The following SEC24C variants were observed in gnomAD, a reference collection of about 807,000 sequenced individuals.
SEC24C encodes SEC24 homolog C, COPII component, also known as protein transport protein Sec24C.
Under a neutral mutation model 117.0 loss-of-function variants are expected in SEC24C, and 22 were observed. The ratio of observed to expected loss-of-function variants is 0.19; its 90% confidence interval spans 0.13 to 0.27. The LOEUF is 0.27. Among genes scored for constraint, SEC24C ranks in the 10% least tolerant of loss-of-function variants. The pLI, the probability that SEC24C is intolerant of heterozygous loss-of-function variation, is 1.00. For missense variants in SEC24C, 1,155 were observed against 1,375.1 expected (o/e 0.84, Z 2.53); for synonymous variants, 506 against 529.4 (o/e 0.96, Z 0.61).
intron 3 of SEC24C, among the ~76,000 whole-genome samples, chr10:73,757,622 C>G: frequency 6.6e-6 from 1 of 151,612 alleles, no homozygotes; most frequent in South Asian, 2.1e-4. Context: ...AAGGGATTAT[C>G]GGAGAAAGGC....
intron 20 of SEC24C, 51 bp downstream of exon 20, chr10:73,770,066 T>C: frequency 6.5e-7 from 1 of 1,543,528 alleles, no homozygotes; most frequent in African/African-American, 1.4e-5. Context: ...AAGGGCCTCT[T>C]AGGAGGAGGA....
At chr10:73,750,385 T>C (rs972304110) in intron 2 of SEC24C, among the ~76,000 whole-genome samples, 6 of 152,196 alleles carry the variant, frequency 3.9e-5, no homozygotes, top group African/African-American at 1.4e-4. Context: ...GAACTTCATA[T>C]GTGAAGAATG....
chr10:73,751,103 C>T lies in SEC24C; in HGVS notation c.173-5C>T, dbSNP rs369202619. Reference sequence around the variant, plus strand: ...AATCACTTAGTTTCTGTCCTTTACCCTCAGGTATGTCAAGAGCCCCACCTT... The same window carrying T: ...AATCACTTAGTTTCTGTCCTTTACCTTCAGGTATGTCAAGAGCCCCACCTT... On this transcript the variant is annotated splice_region_variant and splice_polypyrimidine_tract_variant and intron_variant, in intron 2 of 22. Transcript: ENST00000345254. The T allele has an allele frequency of 5.0e-6, 8 of 1,612,720 alleles. No individual in the cohort carries two copies. Among genetic ancestry groups the T allele is most frequent in the East Asian group, 2.2e-5 (1 of 44,888 alleles).
Position 73,770,208 on chromosome 10 carries a change from TTG to T in SEC24C, c.2863-65_2863-64del, listed in dbSNP as rs201655473. On this transcript the variant is annotated intron_variant, in intron 20 of 22. Transcript: ENST00000345254. ...GTCTGAGGACTTAGCTTTCAAAATTTTGTGTGTGGTGCGGGGGGGCAGACTTG... is the reference window on the plus strand; with the variant it reads ...GTCTGAGGACTTAGCTTTCAAAATTTTGTGTGGTGCGGGGGGGCAGACTTG... The T allele has an allele frequency of 1.1e-3, 1,644 of 1,453,030 alleles. 25 individuals are homozygous for T. The African/African-American group carries it at 0.019, about 17-fold the overall frequency. 90.0% of individuals were successfully genotyped at this position (1,453,030 alleles called of 1,614,324 possible).
In SEC24C at chr10:73,746,117, G is replaced by A. The variant is rs538009773; in HGVS notation, c.-28-688G>A. Among the ~76,000 whole-genome samples, 258 of 134,860 alleles carry A rather than the reference G, an allele frequency of 1.9e-3. 2 individuals are homozygous for A. Among genetic ancestry groups the A allele is most frequent in the Non-Finnish European group, 2.6e-3 (171 of 66,024 alleles). 88.5% of individuals were successfully genotyped at this position (134,860 alleles called of 152,430 possible). Reference sequence around the variant, plus strand: ...GAAGGTTGCAGTGAGCCGAGATCGCGCCACTGCACTCCAGCCTGGCAACAG... The same window carrying A: ...GAAGGTTGCAGTGAGCCGAGATCGCACCACTGCACTCCAGCCTGGCAACAG... On this transcript the variant is annotated intron_variant, in intron 1 of 22. Transcript: ENST00000345254.
chr10:73,766,017 G>T (rs2082877060), intron 10 of SEC24C, 69 bp from the exon 11 acceptor site: 1 of 1,596,158 alleles, frequency 6.3e-7, no homozygotes, highest in East Asian at 2.2e-5. Flanking sequence ...CCTTTTTGAT[G>T]CTGACTTCTC....
intron 2 of SEC24C, 68 bp from the exon 3 acceptor site, chr10:73,751,040 G>A: frequency 1.3e-6 from 2 of 1,545,486 alleles, no homozygotes; most frequent in Middle Eastern, 1.7e-4. Context: ...TCCTTGCTTT[G>A]CATTCCTGGC....
At chr10:73,763,424 C>A (rs1331256926) in intron 6 of SEC24C, 66 bp from the exon 7 acceptor site, 3 of 1,118,306 alleles carry the variant, frequency 2.7e-6, no homozygotes, top group Non-Finnish European at 4.1e-6. Context: ...CTTTTTCACT[C>A]TTGGCACTCT....
chr10:73,759,269 T>C (rs1456089940), intron 3 of SEC24C, among the ~76,000 whole-genome samples: 1 of 152,146 alleles, frequency 6.6e-6, no homozygotes, highest in African/African-American at 2.4e-5. Flanking sequence ...TGCATGCTTA[T>C]GCGTGCCTTC....
At position 73,768,834 on chromosome 10, in the gene SEC24C, C is replaced by T; in HGVS notation, c.2206C>T (p.Leu736=). ...FQVENDQERF[L]SDLRRDVQKV... ...GGTGGAGAACGACCAGGAGCGGTTC[C>T]TGAGTGACCTGCGTCGTGATGTCCA... The change falls in exon 16 of 23, where the codon CTG becomes TTG. Residue 736 remains leucine (L), a synonymous_variant. Coordinates refer to ENST00000345254, the MANE Select transcript of SEC24C (RefSeq NM_198597.3). The T allele has an allele frequency of 6.2e-7, 1 of 1,613,732 alleles. No homozygotes were observed. The highest frequency in any genetic ancestry group is 2.2e-5 in the East Asian group (1 of 44,878).
At chr10:73,750,614 T>C (rs544346770) in intron 2 of SEC24C, among the ~76,000 whole-genome samples, 1 of 152,280 alleles carries the variant, frequency 6.6e-6, no homozygotes, top group South Asian at 2.1e-4. Flanking sequence ...AGGATATAGT[T>C]AGTGTAAGCA....
At chr10:73,761,169 A>G (rs1409780532) in intron 6 of SEC24C, among the ~76,000 whole-genome samples, 1 of 152,206 alleles carries the variant, frequency 6.6e-6, no homozygotes, top group Non-Finnish European at 1.5e-5. Context: ...TGGAGCAGTG[A>G]CTGGGTCTTG....
In SEC24C at chr10:73,751,230, G is replaced by A. The variant is rs755239424; in HGVS notation, c.295G>A (p.Val99Ile). ...GDVQNGPSSTVQMQRLPGSQP... is the reference protein window; with the variant it reads ...GDVQNGPSSTIQMQRLPGSQP... ...TGTACAGAATGGGCCAAGCTCCACT[G>A]TTCAGATGCAAAGGTAGGTACTTGG... The change falls in exon 3 of 23, where the codon GTT becomes ATT. Residue 99 changes from valine to isoleucine, a missense_variant. Physicochemically the swap from Val to Ile is conservative, Grantham distance 29. Around this residue, in one of 2 missense-constraint regions of SEC24C, gnomAD observed 396 missense variants for 382.8 expected, o/e 1.03. Coordinates refer to ENST00000345254, the MANE Select transcript of SEC24C (RefSeq NM_198597.3). 2.3e-5 allele frequency: 37 copies of A among 1,613,782 alleles called. No homozygotes were observed. Among genetic ancestry groups the A allele is most frequent in the Non-Finnish European group, 4.2e-6 (5 of 1,179,890 alleles).
At position 73,751,091 on chromosome 10, in the gene SEC24C, C is replaced by G. The variant is rs376362808; in HGVS notation, c.173-17C>G. 3 of 1,609,576 alleles carry G rather than the reference C, an allele frequency of 1.9e-6. No individual in the cohort carries two copies. The highest frequency in any genetic ancestry group is 8.5e-7 in the Non-Finnish European group (1 of 1,177,668). ...AAGTTATTTCCCAATCACTTAGTTT[C>G]TGTCCTTTACCCTCAGGTATGTCAA... is the stretch of plus-strand genomic sequence containing the variant. On this transcript the variant is annotated splice_polypyrimidine_tract_variant and intron_variant, in intron 2 of 22. Transcript: ENST00000345254.
intron 3 of SEC24C, among the ~76,000 whole-genome samples, chr10:73,757,679 C>T (rs555926980): frequency 1.2e-5 from 1 of 81,540 alleles, no homozygotes; most frequent in Admixed American, 1.1e-4. Flanking sequence ...TTTGTAATCC[C>T]AGCACTTTGT....
chr10:73,763,917 G>A lies in SEC24C; in HGVS notation c.1161G>A (p.Met387Ile), dbSNP rs909921174. ...TSYNIPCTSD[M>I]AKQAQVPLAA... ...ATAATATCCCTTGCACATCTGACAT[G>A]GCTAAGCAGGCTCAGGTGCCCCTGG... The change falls in exon 8 of 23, where the codon ATG becomes ATA. Residue 387 changes from methionine (M) to isoleucine (I), a missense_variant. By Grantham distance (10) the Met-to-Ile change is conservative. Transcript: ENST00000345254. 4.3e-6 allele frequency: 7 copies of A among 1,612,744 alleles called. No homozygotes were observed. Among genetic ancestry groups the A allele is most frequent in the African/African-American group, 4.0e-5 (3 of 74,812 alleles).
Position 73,762,325 on chromosome 10 carries a change from G to A in SEC24C, c.988-1165G>A, listed in dbSNP as rs537707606. On this transcript the variant is annotated intron_variant, in intron 6 of 22. Coordinates refer to ENST00000345254, the MANE Select transcript of SEC24C (RefSeq NM_198597.3). The stretch of plus-strand genomic sequence containing the variant: ...GATACTCACTTATACAAGATAAAAG[G>A]ATATGCATGCCTCAAGTCACCAGGT... Among the ~76,000 whole-genome samples, 27 of 152,198 alleles carry A rather than the reference G, an allele frequency of 1.8e-4. 1 individual carries two copies. The highest frequency in any genetic ancestry group is 1.6e-3 in the Admixed American group (24 of 15,294).
intron 1 of SEC24C, among the ~76,000 whole-genome samples, chr10:73,745,886 G>A (rs2082541432): frequency 6.6e-6 from 1 of 151,988 alleles, no homozygotes; most frequent in Non-Finnish European, 1.5e-5. Flanking sequence ...TTTTGGCCGG[G>A]CGTGGTGGCT....
rs2082897307 is a variant in SEC24C, at chr10:73,767,158, A to C, written c.1998A>C (p.Thr666=). The change falls in exon 14 of 23, where the codon ACA becomes ACC. Residue 666 remains threonine, a synonymous_variant. Coordinates refer to ENST00000345254, the MANE Select transcript of SEC24C (RefSeq NM_198597.3). ...GAGATGACAGGAAGCTGATCAATACAGACAAGGAGAAGGTGTGGGACTGGA... is the reference window on the plus strand; with the variant it reads ...GAGATGACAGGAAGCTGATCAATACCGACAAGGAGAAGGTGTGGGACTGGA... ...KNRDDRKLIN[T]DKEKTLFQPQ... is the part of the protein sequence containing the mutation. 4 of 1,610,636 alleles carry C rather than the reference A, an allele frequency of 2.5e-6. No individual in the cohort carries two copies. The highest frequency in any genetic ancestry group is 3.4e-6 in the Non-Finnish European group (4 of 1,176,894).
Sources: gnomAD v4.1 joint callset for allele counts (sites outside exome capture counted in the v4.1 genomes callset) on GRCh38, gnomAD v4.1.1 for gene constraint, gnomAD v4.1.1 regional missense constraint, MANE v1.5 for transcripts, NCBI Gene and HGNC (gene_info 2026-07-23, HGNC 2026-07-21) for gene names.